Variants in WAPL observed in about 807,000 individuals in gnomAD.
The protein encoded by WAPL is WAPL cohesin release factor, also known as wings apart-like protein homolog.
A neutral mutation model predicts 121.0 loss-of-function variants in WAPL; 5 were observed. That is an observed-to-expected ratio of 0.04 (90% CI 0.02 to 0.09). The LOEUF is 0.09. Ranked by LOEUF, WAPL falls within the 10% of genes least tolerant of loss-of-function variation. The pLI is 1.00. For synonymous variants in WAPL, 480 were observed against 481.5 expected (o/e 1.00, Z 0.04); for missense variants, 999 against 1,410.8 (o/e 0.71, Z 4.68).
chr10:86,459,946 T>C (rs946531363), intron 11 of WAPL, among the ~76,000 whole-genome samples: 2 of 152,064 alleles, frequency 1.3e-5, no homozygotes, highest in Non-Finnish European at 2.9e-5. Context: ...AAACCCCGAC[T>C]CTACTAAAAA....
At chr10:86,457,717 A>G (rs1841183965) in intron 12 of WAPL, among the ~76,000 whole-genome samples, 1 of 152,136 alleles carries the variant, frequency 6.6e-6, no homozygotes, top group Non-Finnish European at 1.5e-5. Context: ...CAAAAAAAGG[A>G]GATTTTAAAA....
chr10:86,521,121 G>A (rs1842667188), intron 1 of WAPL, among the ~76,000 whole-genome samples: 2 of 152,216 alleles, frequency 1.3e-5, no homozygotes, highest in Admixed American at 6.5e-5. Context: ...AAGGACTCGG[G>A]GCTGAAATCA....
chr10:86,477,924 A>G (rs1841696660), intron 4 of WAPL, among the ~76,000 whole-genome samples: 1 of 151,820 alleles, frequency 6.6e-6, no homozygotes. Flanking sequence ...GCATGGTGGT[A>G]GGTGCCTGTA....
intron 2 of WAPL, among the ~76,000 whole-genome samples, chr10:86,516,359 G>A (rs753329491): frequency 1.3e-5 from 2 of 152,182 alleles, no homozygotes; most frequent in African/African-American, 2.4e-5. Flanking sequence ...AACATTTTTA[G>A]TAAAACTATG....
At chr10:86,447,852 C>T (rs2132169009) in intron 15 of WAPL, among the ~76,000 whole-genome samples, 1 of 151,942 alleles carries the variant, frequency 6.6e-6, no homozygotes, top group East Asian at 1.9e-4. Context: ...GAGTTGGCGA[C>T]TAGCCCGGCA....
intron 2 of WAPL, among the ~76,000 whole-genome samples, chr10:86,515,249 C>T (rs1242773105): frequency 3.4e-5 from 5 of 146,922 alleles, no homozygotes; most frequent in South Asian, 2.2e-4. Context: ...GGGACAAGAG[C>T]GAGACTTCAT....
chr10:86,496,719 G>C (rs1842157508), intron 4 of WAPL, among the ~76,000 whole-genome samples: 1 of 152,156 alleles, frequency 6.6e-6, no homozygotes, highest in Non-Finnish European at 1.5e-5. Flanking sequence ...GTAAAAGACA[G>C]ATGTAACCTT....
intron 12 of WAPL, among the ~76,000 whole-genome samples, chr10:86,458,118 G>A (rs1238580737): frequency 6.6e-6 from 1 of 152,196 alleles, no homozygotes; most frequent in Non-Finnish European, 1.5e-5. Flanking sequence ...TAAGAAAGTT[G>A]TACATATATC....
intron 4 of WAPL, among the ~76,000 whole-genome samples, chr10:86,474,866 G>A (rs1021262546): frequency 5.3e-5 from 8 of 152,142 alleles, no homozygotes; most frequent in Admixed American, 2.6e-4. Flanking sequence ...CAGACAATGC[G>A]CTCATTTAAA....
At chr10:86,466,464 G>C (rs1022499165) in intron 9 of WAPL, among the ~76,000 whole-genome samples, 4 of 152,096 alleles carry the variant, frequency 2.6e-5, no homozygotes, top group Admixed American at 2.6e-4. Flanking sequence ...CAGCTACTTG[G>C]GGGGCTGAGG....
chr10:86,495,608 T>C (rs1409242517), intron 4 of WAPL, among the ~76,000 whole-genome samples: 2 of 152,200 alleles, frequency 1.3e-5, no homozygotes, highest in East Asian at 3.8e-4. Context: ...TATGTAACAC[T>C]GGATCTGGCA....
At chr10:86,473,026 G>A (rs185955107) in intron 5 of WAPL, among the ~76,000 whole-genome samples, 3 of 152,014 alleles carry the variant, frequency 2.0e-5, no homozygotes, top group African/African-American at 4.8e-5. Context: ...ACAATTTGTC[G>A]TTTGTCTCTA....
intron 2 of WAPL, among the ~76,000 whole-genome samples, chr10:86,507,976 G>C (rs1842384729): frequency 6.6e-6 from 1 of 151,900 alleles, no homozygotes; most frequent in Non-Finnish European, 1.5e-5. Context: ...AATGTCTATT[G>C]AGGACAATTC....
At chr10:86,477,852 G>T (rs1366382603) in intron 4 of WAPL, among the ~76,000 whole-genome samples, 1 of 151,856 alleles carries the variant, frequency 6.6e-6, no homozygotes, top group Admixed American at 6.6e-5. Context: ...GGTCAAGGTG[G>T]GCGGATCACT....
intron 16 of WAPL, 38 bp downstream of exon 16, chr10:86,446,204 T>A: frequency 6.2e-7 from 1 of 1,605,024 alleles, no homozygotes; most frequent in African/African-American, 1.3e-5. Context: ...ATCAAACCAC[T>A]ATCTTCAATT....
At chr10:86,513,638 G>A (rs879798791) in intron 2 of WAPL, among the ~76,000 whole-genome samples, 4 of 152,064 alleles carry the variant, frequency 2.6e-5, no homozygotes, top group South Asian at 2.1e-4. Context: ...AGTACTATCC[G>A]TTATAAAAGT....
intron 4 of WAPL, among the ~76,000 whole-genome samples, chr10:86,481,052 G>A (rs1841771779): frequency 6.6e-6 from 1 of 152,140 alleles, no homozygotes; most frequent in Non-Finnish European, 1.5e-5. Flanking sequence ...AGCCACCTTT[G>A]AACAACAGTA....
chr10:86,472,366 AC>A lies in WAPL; in HGVS notation c.1894-23del, dbSNP rs781750521. On this transcript the variant is annotated intron_variant, in intron 6 of 18. Coordinates refer to ENST00000298767, the MANE Select transcript of WAPL (RefSeq NM_015045.5). The surrounding 1 kb of genome is among the most constrained non-coding windows in gnomAD (Gnocchi z 4.2). ...ATAACTGCCAAGAAAAAAAAAGTTCACCCCTTTTTAACTAGGAACTAGCATA... is the reference window on the plus strand; with the variant it reads ...ATAACTGCCAAGAAAAAAAAAGTTCACCCTTTTTAACTAGGAACTAGCATA... The A allele has an allele frequency of 2.5e-6, 4 of 1,585,920 alleles. No homozygotes were observed. Among genetic ancestry groups the A allele is most frequent in the South Asian group, 1.2e-5 (1 of 85,018 alleles).
intron 4 of WAPL, among the ~76,000 whole-genome samples, chr10:86,476,703 A>C (rs914062825): frequency 6.6e-6 from 1 of 152,230 alleles, no homozygotes; most frequent in African/African-American, 2.4e-5. Context: ...AAAAAAAAAA[A>C]AAGTGCTTTG....
Sources: allele counts gnomAD v4.1 joint callset (sites outside exome capture counted in the v4.1 genomes callset), GRCh38; gene constraint gnomAD v4.1.1; non-coding constraint Gnocchi (gnomAD v3.1); transcripts MANE v1.5; gene names NCBI Gene and HGNC (gene_info 2026-07-23, HGNC 2026-07-21).